Variants in LMTK2 observed in about 807,000 individuals in gnomAD.
The protein encoded by LMTK2 is lemur tail kinase 2.
In LMTK2, 37 loss-of-function variants were observed where a neutral mutation model predicts 127.5. The ratio of observed to expected loss-of-function variants is 0.29; its 90% CI spans 0.22 to 0.38. LMTK2 has a LOEUF of 0.38. Ranked by LOEUF, LMTK2 falls within the 10% of genes least tolerant of loss-of-function variation. LMTK2 has a pLI of 1.00. For synonymous variants in LMTK2, 819 were observed against 810.1 expected, an observed-to-expected ratio of 1.01 and a Z score of -0.19; for missense variants, 1,694 against 1,920.3, an observed-to-expected ratio of 0.88 and a Z score of 2.20.
chr7:98,185,216 G>A, intron 8 of LMTK2, 81 bp downstream of exon 8: 1 of 970,122 alleles, frequency 1.0e-6, no homozygotes, highest in Non-Finnish European at 1.6e-6. Flanking sequence ...CCCACTGTTT[G>A]TATAAGAATC....
intron 1 of LMTK2, among the ~76,000 whole-genome samples, chr7:98,135,814 G>A (rs1014312208): frequency 2.6e-5 from 4 of 151,510 alleles, no homozygotes; most frequent in East Asian, 1.9e-4. Flanking sequence ...AAGGCCAGGC[G>A]GTAAAATATT....
rs932145618 is a variant in LMTK2 at position 98,201,436 on chromosome 7, C to T, written c.4108-2138C>T. ...GTGAACACTTTGGGCGTCATGTCAG[C>T]GCTCAAAAGGTTTTGGATTTTGGAG... On this transcript the variant is annotated intron_variant, in intron 11 of 13. Coordinates refer to ENST00000297293, the MANE Select transcript of LMTK2 (RefSeq NM_014916.4). Among the ~76,000 whole-genome samples, 8 of 152,170 alleles carry T rather than the reference C, an allele frequency of 5.3e-5. No individual in the cohort carries two copies. The South Asian group carries it at 8.3e-4, about 16-fold the overall frequency.
At chr7:98,191,053 G>A (rs796354992) in intron 10 of LMTK2, among the ~76,000 whole-genome samples, 176 bp downstream of exon 10, 21 of 152,188 alleles carry the variant, frequency 1.4e-4, no homozygotes, top group African/African-American at 2.9e-4. Flanking sequence ...GAAATGTTTC[G>A]GGTGTTGAGT....
chr7:98,181,820 G>T (rs1024170528), intron 7 of LMTK2, among the ~76,000 whole-genome samples: 2 of 150,432 alleles, frequency 1.3e-5, no homozygotes, highest in African/African-American at 4.8e-5. Context: ...CATCATGCCC[G>T]GCTAATTTTT....
At chr7:98,200,299 C>T (rs1797688490) in intron 11 of LMTK2, among the ~76,000 whole-genome samples, 1 of 152,154 alleles carries the variant, frequency 6.6e-6, no homozygotes, top group African/African-American at 2.4e-5. Flanking sequence ...ACTCCTCAGA[C>T]AGTGCAACAC....
rs555308360 is a variant in LMTK2, at chr7:98,201,909, C to T, written c.4108-1665C>T. Reference sequence around the variant, plus strand: ...ACAGTTGTGAGCCACCCCACCTGGCCCAATTTCTTTGTATTTATCCCGTTT... The same window carrying T: ...ACAGTTGTGAGCCACCCCACCTGGCTCAATTTCTTTGTATTTATCCCGTTT... On this transcript the variant is annotated intron_variant, in intron 11 of 13. Coordinates refer to ENST00000297293, the MANE Select transcript of LMTK2 (RefSeq NM_014916.4). Among the ~76,000 whole-genome samples, 22 of 152,314 alleles carry T rather than the reference C, an allele frequency of 1.4e-4. No individual in the cohort carries two copies. The South Asian group carries it at 4.6e-3, about 32-fold the overall frequency.
chr7:98,143,038 G>A (rs556973383), intron 3 of LMTK2, among the ~76,000 whole-genome samples: 34 of 152,338 alleles, frequency 2.2e-4, no homozygotes, highest in South Asian at 6.2e-4. Flanking sequence ...CACTGGTCAG[G>A]AAGGTGGGGA....
intron 1 of LMTK2, among the ~76,000 whole-genome samples, chr7:98,108,145 AG>A (rs1257566831): frequency 2.0e-5 from 3 of 152,206 alleles, no homozygotes; most frequent in Non-Finnish European, 4.4e-5. Context: ...GAGTTAGAAG[AG>A]ACCTTAAAGA....
intron 7 of LMTK2, among the ~76,000 whole-genome samples, chr7:98,183,434 C>G (rs1300544871): frequency 6.6e-6 from 1 of 152,106 alleles, no homozygotes; most frequent in East Asian, 1.9e-4. Context: ...AGTACCCAGG[C>G]TGGATTGCAG....
chr7:98,110,204 G>A (rs982569444), intron 1 of LMTK2, among the ~76,000 whole-genome samples: 1 of 152,120 alleles, frequency 6.6e-6, no homozygotes, highest in East Asian at 1.9e-4. Context: ...TTTATCTATG[G>A]TGTCTTCATC....
In LMTK2 at chr7:98,204,170, G is replaced by A. The variant is rs529867832; in HGVS notation, c.4467G>A (p.Ser1489=). The A allele has an allele frequency of 8.2e-5, 131 of 1,607,242 alleles. No individual in the cohort carries two copies. The East Asian group carries it at 2.7e-3, about 33-fold the overall frequency. Residue 1489 remains serine (S), a synonymous_variant, in exon 13 of 14, where the codon TCG becomes TCA. Transcript: ENST00000297293. The stretch of plus-strand genomic sequence containing the variant: ...TTTCCCTCACACACCTGACCGACTC[G>A]GACATCGAGCAGGGCGGTGAGAGGC... ...ASFSLTHLTD[S]DIEQGGSSED...
chr7:98,132,537 C>T (rs1340292692), intron 1 of LMTK2, among the ~76,000 whole-genome samples: 1 of 152,094 alleles, frequency 6.6e-6, no homozygotes, highest in Non-Finnish European at 1.5e-5. Context: ...GCGTGAGCCA[C>T]CGCACCCAAC....
At chr7:98,144,835 C>T (rs1454936420) in intron 3 of LMTK2, among the ~76,000 whole-genome samples, 1 of 150,166 alleles carries the variant, frequency 6.7e-6, no homozygotes, top group Non-Finnish European at 1.5e-5. Flanking sequence ...CCTTGCAGAT[C>T]TTTCCATATC....
At chr7:98,158,845 C>T (rs894952071) in intron 5 of LMTK2, among the ~76,000 whole-genome samples, 5 of 152,086 alleles carry the variant, frequency 3.3e-5, no homozygotes, top group Non-Finnish European at 7.4e-5. Context: ...TATAGTCTGC[C>T]CTCTTTTAAA....
intron 1 of LMTK2, among the ~76,000 whole-genome samples, chr7:98,119,128 G>T (rs1221761346): frequency 1.3e-5 from 2 of 151,302 alleles, no homozygotes; most frequent in Non-Finnish European, 2.9e-5. Context: ...AGATTTCTGG[G>T]TCCCAAACTA....
At chr7:98,199,497 G>A (rs186928027) in intron 11 of LMTK2, among the ~76,000 whole-genome samples, 22 of 151,594 alleles carry the variant, frequency 1.5e-4, no homozygotes, top group Middle Eastern at 3.4e-3. Flanking sequence ...AGCTGCTCCA[G>A]CTTTCTTTCT....
In LMTK2 at chr7:98,182,476, A is replaced by G. The variant is rs144674746; in HGVS notation, c.792-2575A>G. Reference sequence around the variant, plus strand: ...ATATACAAATGGCAATAGGTACACCAAAAGATGCCCAGCATCAGTGATCAT... The same window carrying G: ...ATATACAAATGGCAATAGGTACACCGAAAGATGCCCAGCATCAGTGATCAT... On this transcript the variant is annotated intron_variant, in intron 7 of 13. Coordinates refer to ENST00000297293, the MANE Select transcript of LMTK2 (RefSeq NM_014916.4). Among the ~76,000 whole-genome samples, 51 of 152,374 alleles carry G rather than the reference A, an allele frequency of 3.3e-4. 3 individuals are homozygous for G. In the East Asian group the frequency reaches 9.4e-3, roughly 28 times the overall value.
chr7:98,145,646 G>A (rs1796762082), intron 3 of LMTK2, among the ~76,000 whole-genome samples: 2 of 151,900 alleles, frequency 1.3e-5, no homozygotes, highest in Admixed American at 6.6e-5. Flanking sequence ...GTCTATTTTA[G>A]GCTTTCTATT....
chr7:98,122,668 A>G (rs562920856), intron 1 of LMTK2, among the ~76,000 whole-genome samples: 1 of 137,804 alleles, frequency 7.3e-6, no homozygotes, highest in South Asian at 2.3e-4. Flanking sequence ...TCAGTGAATA[A>G]CTCTACATGG....
Sources: gnomAD v4.1 joint callset for allele counts (sites outside exome capture counted in the v4.1 genomes callset) on GRCh38, gnomAD v4.1.1 for gene constraint, MANE v1.5 for transcripts, NCBI Gene and HGNC (gene_info 2026-07-23, HGNC 2026-07-21) for gene names.